The following PRELID3A variants were observed in gnomAD, a reference collection of about 807,000 sequenced individuals.
PRELID3A encodes PRELI domain containing 3A.
PRELID3A carries 27 observed loss-of-function variants against 23.0 expected under a neutral mutation model. The observed-to-expected ratio is 1.17, with a 90% CI of 0.87 to 1.62. PRELID3A has a LOEUF of 1.62. PRELID3A is among the 40% of genes most tolerant of loss of function. PRELID3A has a pLI of 0.00. For missense variants in PRELID3A, 231 were observed against 231.4 expected (o/e 1.00, Z 0.01); for synonymous variants, 87 against 86.4 (o/e 1.01, Z -0.04).
At chr18:12,409,069 A>G (rs567556407) in intron 1 of PRELID3A, among the ~76,000 whole-genome samples, 1 of 152,052 alleles carries the variant, frequency 6.6e-6, no homozygotes, top group African/African-American at 2.4e-5. Context: ...TTGGGGGGAA[A>G]AAAAGTACTG....
intron 1 of PRELID3A, among the ~76,000 whole-genome samples, chr18:12,414,548 A>G (rs1393952512): frequency 4.6e-5 from 7 of 152,192 alleles, no homozygotes; most frequent in African/African-American, 1.7e-4. Context: ...CAACATGGTG[A>G]ACCCCCATCT....
chr18:12,408,767 G>A (rs1909811777), intron 1 of PRELID3A, among the ~76,000 whole-genome samples: 1 of 151,816 alleles, frequency 6.6e-6, no homozygotes, highest in Non-Finnish European at 1.5e-5. Context: ...GAGGGGGTGG[G>A]TGCAGGGAGG....
intron 6 of PRELID3A, among the ~76,000 whole-genome samples, chr18:12,430,573 CAT>C (rs377665015): frequency 5.9e-4 from 81 of 136,666 alleles, no homozygotes; most frequent in Middle Eastern, 5.4e-3. Flanking sequence ...GTGTGTGTGA[CAT>C]GTGTGCTGTG....
chr18:12,416,171 A>G (rs1446601913), intron 1 of PRELID3A, among the ~76,000 whole-genome samples: 1 of 152,286 alleles, frequency 6.6e-6, no homozygotes, highest in Middle Eastern at 3.4e-3. Flanking sequence ...TGCCTGTGCC[A>G]GTTTGTGTCC....
At chr18:12,419,486 AGGTGTGGT>A (rs2030074811) in intron 1 of PRELID3A, among the ~76,000 whole-genome samples, 1 of 143,654 alleles carries the variant, frequency 7.0e-6, no homozygotes, top group Admixed American at 6.9e-5. Context: ...AAAATTAGCC[AGGTGTGGT>A]GGTGGGTGCC....
chr18:12,412,334 C>A (rs1179680105), intron 1 of PRELID3A, among the ~76,000 whole-genome samples: 1 of 152,090 alleles, frequency 6.6e-6, no homozygotes, highest in African/African-American at 2.4e-5. Context: ...ATTACAAGCA[C>A]CTGCTACCAC....
At chr18:12,417,419 C>T (rs775347485) in intron 1 of PRELID3A, among the ~76,000 whole-genome samples, 34 of 152,292 alleles carry the variant, frequency 2.2e-4, no homozygotes, top group South Asian at 2.1e-4. Context: ...AGTGATCTGC[C>T]CGCCTCAGCC....
At chr18:12,408,188 G>C (rs965305348) in intron 1 of PRELID3A, among the ~76,000 whole-genome samples, 181 bp downstream of exon 1, 1 of 151,942 alleles carries the variant, frequency 6.6e-6, no homozygotes, top group Admixed American at 6.6e-5. Flanking sequence ...GCGCTTCCCC[G>C]GGACCGCGGT....
At chr18:12,408,366 C>T (rs1312176253) in intron 1 of PRELID3A, among the ~76,000 whole-genome samples, 1 of 151,830 alleles carries the variant, frequency 6.6e-6, no homozygotes, top group African/African-American at 2.4e-5. Context: ...GGGCCTGGCG[C>T]TCGCTGCTCT....
chr18:12,423,490 C>T (rs530569489), intron 3 of PRELID3A, among the ~76,000 whole-genome samples: 8 of 152,272 alleles, frequency 5.3e-5, no homozygotes, highest in Non-Finnish European at 8.8e-5. Flanking sequence ...AGGCTCACGA[C>T]GCAGCTCTGC....
chr18:12,415,000 C>G (rs757068635), intron 1 of PRELID3A, among the ~76,000 whole-genome samples: 3 of 152,078 alleles, frequency 2.0e-5, no homozygotes, highest in Non-Finnish European at 4.4e-5. Context: ...GCAATCACGA[C>G]TTACTGCAGC....
chr18:12,411,190 A>AC (rs397934178), intron 1 of PRELID3A, among the ~76,000 whole-genome samples: 2 of 151,594 alleles, frequency 1.3e-5, no homozygotes, highest in Non-Finnish European at 2.9e-5. Context: ...TAAAATTAAA[A>AC]GTATATGGCC....
At chr18:12,426,705 A>G (rs2030392314) in intron 3 of PRELID3A, among the ~76,000 whole-genome samples, 1 of 152,142 alleles carries the variant, frequency 6.6e-6, no homozygotes, top group Non-Finnish European at 1.5e-5. Context: ...TGCCATGGGT[A>G]GGTGAAAAGC....
intron 3 of PRELID3A, among the ~76,000 whole-genome samples, chr18:12,425,549 G>A (rs1294700128): frequency 6.6e-6 from 1 of 151,380 alleles, no homozygotes; most frequent in African/African-American, 2.4e-5. Context: ...GGAGAATGGT[G>A]TGAACCCAGA....
intron 1 of PRELID3A, among the ~76,000 whole-genome samples, chr18:12,418,080 A>G (rs1336037888): frequency 6.6e-6 from 1 of 152,202 alleles, no homozygotes; most frequent in African/African-American, 2.4e-5. Context: ...GGTAAAGTAA[A>G]TTACTGATCA....
At chr18:12,427,475 C>T in intron 5 of PRELID3A, 152 bp downstream of exon 5, 1 of 629,758 alleles carries the variant, frequency 1.6e-6, no homozygotes, top group Non-Finnish European at 2.8e-6. Flanking sequence ...CGCAGGTGGA[C>T]CGCTTGAGGC....
At chr18:12,419,502 G>T (rs2030075329) in intron 1 of PRELID3A, among the ~76,000 whole-genome samples, 1 of 150,708 alleles carries the variant, frequency 6.6e-6, no homozygotes, top group South Asian at 2.1e-4. Flanking sequence ...GGTGGTGGGT[G>T]CCTGTAATCC....
At chr18:12,429,210 A>T in intron 5 of PRELID3A, 140 bp from the exon 6 acceptor site, 1 of 685,552 alleles carries the variant, frequency 1.5e-6, no homozygotes, top group East Asian at 2.7e-5. Flanking sequence ...CTGTGTGAAG[A>T]TCACTCGGAA....
rs147821539 is a variant in PRELID3A at position 12,428,595 on chromosome 18, T to C, written c.466-755T>C. Among the ~76,000 whole-genome samples, 3 of 152,302 alleles carry C rather than the reference T, an allele frequency of 2.0e-5. No homozygotes were observed. The East Asian group carries it at 5.8e-4, about 29-fold the overall frequency. On this transcript the variant is annotated intron_variant, in intron 5 of 6. Coordinates refer to ENST00000440960, the MANE Select transcript of PRELID3A (RefSeq NM_001142405.2). ...GGCTTGCATTTAGTCTCATCACCAA[T>C]AGAATAGCCTGTCTATCTAATTCTG...
Sources: gnomAD v4.1 joint callset for allele counts (sites outside exome capture counted in the v4.1 genomes callset) on GRCh38, gnomAD v4.1.1 for gene constraint, MANE v1.5 for transcripts, NCBI Gene and HGNC (gene_info 2026-07-23, HGNC 2026-07-21) for gene names.